TRIM49: variants seen among roughly 807,000 people sequenced by gnomAD.
The protein encoded by TRIM49 is tripartite motif containing 49, also known as tripartite motif-containing protein 49.
TRIM49 carries 5 observed loss-of-function variants against 27.4 expected under a neutral mutation model. The observed-to-expected ratio is 0.18, with a 90% CI of 0.10 to 0.38. TRIM49 has a LOEUF of 0.38. TRIM49 is among the 10% of genes least tolerant of loss of function. The probability of loss-of-function intolerance (pLI) is 1.00; values close to 1 mark genes in which losing one functional copy is unlikely to be tolerated. For synonymous variants in TRIM49, 69 were observed against 166.0 expected, an observed-to-expected ratio of 0.42 and a Z score of 4.49; for missense variants, 188 against 487.5, an observed-to-expected ratio of 0.39 and a Z score of 5.79.
chr11:89,808,399 A>G (rs1949802467), intron 1 of TRIM49, 38 bp downstream of exon 1: 4 of 150,192 alleles, frequency 2.7e-5, no homozygotes, highest in Admixed American at 2.6e-4. Flanking sequence ...ATAGTTAGGG[A>G]GATTCACATA....
downstream of TRIM49, among the ~76,000 whole-genome samples, chr11:89,793,949 T>C (rs1949672226): frequency 6.6e-6 from 1 of 150,676 alleles, no homozygotes; most frequent in Non-Finnish European, 1.5e-5. Flanking sequence ...AGTCAAATTG[T>C]CCCTGTTTGC....
chr11:89,795,792 G>C (rs1170959825), downstream of TRIM49, among the ~76,000 whole-genome samples: 3 of 149,960 alleles, frequency 2.0e-5, no homozygotes, highest in African/African-American at 2.5e-5. Context: ...TGTAAATGAG[G>C]AGTTAATGGG....
At chr11:89,785,158 G>A in the TRIM49 span, among the ~76,000 whole-genome samples, 1 of 146,008 alleles carries the variant, frequency 6.8e-6, no homozygotes, top group Admixed American at 6.7e-5. Context: ...GGCAAAGATA[G>A]CAATGAATGG....
intron 4 of TRIM49, among the ~76,000 whole-genome samples, chr11:89,803,050 A>T (rs1949751554): frequency 6.6e-6 from 1 of 150,712 alleles, no homozygotes; most frequent in African/African-American, 2.5e-5. Flanking sequence ...ACATCCACGA[A>T]GAGAAAATTA....
chr11:89,802,230 T>G (rs1310051528), intron 4 of TRIM49, among the ~76,000 whole-genome samples: 4 of 148,826 alleles, frequency 2.7e-5, no homozygotes, highest in African/African-American at 1.0e-4. Context: ...GAACAGTTCA[T>G]GCTTGAGAGT....
the TRIM49 span, among the ~76,000 whole-genome samples, chr11:89,784,771 G>C: frequency 6.9e-6 from 1 of 144,684 alleles, no homozygotes; most frequent in Non-Finnish European, 1.5e-5. Flanking sequence ...ATTTAGCTCA[G>C]ATTCACTTTG....
chr11:89,800,616 G>A (rs1438636229), intron 6 of TRIM49, among the ~76,000 whole-genome samples: 11 of 150,246 alleles, frequency 7.3e-5, no homozygotes, highest in East Asian at 4.0e-4. Context: ...GGTGGCGGGC[G>A]CCTGTAGTCC....
intron 6 of TRIM49, among the ~76,000 whole-genome samples, chr11:89,800,472 G>A (rs562789556): frequency 3.3e-5 from 5 of 151,612 alleles, no homozygotes; most frequent in South Asian, 4.2e-4. Context: ...GGCCGGGCGC[G>A]GTGGTTCACG....
the TRIM49 span, chr11:89,768,911 G>C: frequency 2.1e-6 from 1 of 481,394 alleles, no homozygotes; most frequent in Non-Finnish European, 4.1e-6. Context: ...GGGTGAGGTG[G>C]CTCACACCTG....
chr11:89,807,450 C>T lies in TRIM49; in HGVS notation c.-190-166G>A. Among the ~76,000 whole-genome samples the T allele has an allele frequency of 1.3e-5, 2 of 151,418 alleles. 1 individual carries two copies. Among genetic ancestry groups the T allele is most frequent in the Non-Finnish European group, 2.9e-5 (2 of 67,960 alleles). On this transcript the variant is annotated intron_variant, in intron 1 of 7. Coordinates refer to ENST00000329758, the MANE Select transcript of TRIM49 (RefSeq NM_020358.2). ...CAGTGCCTGAATGAATCATATGTAA[C>T]ATAAATCCTGTCAGAGCATACATAG...
At chr11:89,772,720 T>C in the TRIM49 span, among the ~76,000 whole-genome samples, 40 of 133,942 alleles carry the variant, frequency 3.0e-4, 11 homozygotes, top group African/African-American at 1.3e-3. Context: ...GACACCTTGG[T>C]TGTGCCCATT....
the TRIM49 span, chr11:89,786,967 G>T: frequency 8.3e-6 from 1 of 121,140 alleles, no homozygotes; most frequent in Non-Finnish European, 1.6e-5. Flanking sequence ...GATCACATCG[G>T]AGCCCTGAGC....
chr11:89,777,270 G>A, the TRIM49 span: 1 of 1,548,124 alleles, frequency 6.5e-7, no homozygotes, highest in South Asian at 1.2e-5. Flanking sequence ...TCCATGCGGA[G>A]ACTAAGGAGC....
downstream of TRIM49, among the ~76,000 whole-genome samples, chr11:89,796,006 A>G (rs1484583312): frequency 1.3e-5 from 2 of 151,840 alleles, no homozygotes; most frequent in African/African-American, 2.4e-5. Flanking sequence ...AATCCTCTAG[A>G]CATGAGACTA....
chr11:89,795,952 A>G (rs1289397943), downstream of TRIM49, among the ~76,000 whole-genome samples: 1 of 151,926 alleles, frequency 6.6e-6, no homozygotes, highest in Non-Finnish European at 1.5e-5. Flanking sequence ...TGCATCTGCT[A>G]GGCTTCAGGC....
chr11:89,798,175 A>C lies in TRIM49; in HGVS notation c.1314T>G (p.Ser438=), dbSNP rs534497284. The change falls in exon 8 of 8, where the codon TCT becomes TCG. Residue 438 remains serine (S), a synonymous_variant. Coordinates refer to ENST00000329758, the MANE Select transcript of TRIM49 (RefSeq NM_020358.2). ...SSLIYTIPNC[S]FSPPLRPIFC... ...AGATAGGCCTGAGAGGAGGTGAGAA[A>C]GAGCAATTAGGGATGGTGTATATTA... 1 of 1,499,230 alleles carries C rather than the reference A, an allele frequency of 6.7e-7. No homozygotes were observed. Among genetic ancestry groups the C allele is most frequent in the East Asian group, 2.6e-5 (1 of 38,656 alleles). The allele number at this position is 1,499,230 out of a possible 1,614,324, so 92.9% of individuals were successfully genotyped here. A position where few individuals can be genotyped will look rare whatever the true frequency, so the allele number is the denominator to read the frequency against.
rs763305932 is a variant in TRIM49, at chr11:89,798,403, C to T, written c.1086G>A (p.Arg362=). The T allele has an allele frequency of 1.9e-6, 3 of 1,603,506 alleles. No homozygotes were observed. The highest frequency in any genetic ancestry group is 2.2e-5 in the South Asian group (2 of 90,846). The change falls in exon 8 of 8, where the codon CGG becomes CGA. Residue 362 remains arginine, a synonymous_variant. Coordinates refer to ENST00000329758, the MANE Select transcript of TRIM49 (RefSeq NM_020358.2). ...TCTTCTCATTCTGATTCTTCTCTTT[C>T]CGATACATATTACAGACACCAAAAG... ...NWAFGVCNMY[R]KEKNQNEKID... is the part of the protein sequence containing the mutation.
At chr11:89,768,314 A>C in the TRIM49 span, 24 of 1,418,874 alleles carry the variant, frequency 1.7e-5, 2 homozygotes, top group Non-Finnish European at 2.1e-5. Context: ...GAGTTGGTTA[A>C]GTTTCTGATG....
the TRIM49 span, chr11:89,768,154 T>C: frequency 4.5e-5 from 49 of 1,087,914 alleles, 5 homozygotes; most frequent in African/African-American, 6.8e-5. Context: ...ACTGAAGGCA[T>C]TGCATGTTGA....
Sources: allele counts gnomAD v4.1 joint callset (sites outside exome capture counted in the v4.1 genomes callset), GRCh38; gene constraint gnomAD v4.1.1; transcripts MANE v1.5; gene names NCBI Gene and HGNC (gene_info 2026-07-23, HGNC 2026-07-21).